Variants in KMT5B observed in about 807,000 individuals in gnomAD.
The protein encoded by KMT5B is histone-lysine N-methyltransferase KMT5B.
KMT5B carries 10 observed loss-of-function variants against 83.2 expected under a neutral mutation model. The ratio of observed to expected loss-of-function variants is 0.12; its 90% confidence interval spans 0.07 to 0.20. The LOEUF (loss-of-function observed/expected upper bound fraction) is 0.20, where lower values mean the gene tolerates loss of function less well. Ranked by LOEUF, KMT5B falls within the 10% of genes least tolerant of loss-of-function variation. The pLI is 1.00. For synonymous variants in KMT5B, 349 were observed against 388.8 expected (o/e 0.90, Z 1.20); for missense variants, 753 against 1,067.2 (o/e 0.71, Z 4.10).
Position 68,185,827 on chromosome 11 carries a change from C to T in KMT5B, c.262G>A (p.Val88Ile). 1.9e-6 allele frequency: 3 copies of T among 1,614,034 alleles called. No homozygotes were observed. The highest frequency in any genetic ancestry group is 2.5e-6 in the Non-Finnish European group (3 of 1,179,974). Residue 88 changes from valine (V) to isoleucine (I), a missense_variant, in exon 3 of 11, where the codon GTT (valine) becomes ATT (isoleucine). Around this residue, in one of 9 missense-constraint regions of KMT5B, gnomAD observed 3 missense variants for 30.2 expected, o/e 0.10. Transcript: ENST00000304363. ...TGAAAACCTAAATAGGGATCAAGAA[C>T]CAAACTGGTTGCTAGGTCATCATTT... The part of the protein sequence containing the change: ...CENDDLATSL[V>I]LDPYLGFQTH...
chr11:68,190,116 C>G lies in KMT5B; in HGVS notation c.-40G>C. 1 of 1,583,762 alleles carries G rather than the reference C, an allele frequency of 6.3e-7. No homozygotes were observed. The highest frequency in any genetic ancestry group is 8.7e-7 in the Non-Finnish European group (1 of 1,155,770). On this transcript the variant is annotated 5_prime_UTR_variant, in exon 2 of 11. Transcript: ENST00000304363. ...TGACCCAGGTGCATTTAGTCACTCT[C>G]TTCAAATAGCTTAGAGAATACTTTC...
chr11:68,205,058 G>A (rs1859918203), intron 1 of KMT5B, among the ~76,000 whole-genome samples: 1 of 151,070 alleles, frequency 6.6e-6, no homozygotes, highest in African/African-American at 2.4e-5. Flanking sequence ...CATGTCACAG[G>A]AAAAAAGATT....
chr11:68,190,954 C>T (rs925865166), intron 1 of KMT5B, among the ~76,000 whole-genome samples: 1 of 152,166 alleles, frequency 6.6e-6, no homozygotes, highest in Non-Finnish European at 1.5e-5. Context: ...GACAGAGCAA[C>T]CCTGTCTTCC....
At chr11:68,159,483 T>G (rs1316304834) in intron 10 of KMT5B, among the ~76,000 whole-genome samples, 1 of 152,224 alleles carries the variant, frequency 6.6e-6, no homozygotes, top group Non-Finnish European at 1.5e-5. Flanking sequence ...AACGAACGCT[T>G]TCTTCTCCTG....
chr11:68,198,120 G>T (rs1434099458), intron 1 of KMT5B, among the ~76,000 whole-genome samples: 1 of 152,084 alleles, frequency 6.6e-6, no homozygotes, highest in Non-Finnish European at 1.5e-5. Flanking sequence ...ACAAATAGGG[G>T]TTGAAAACAT....
intron 1 of KMT5B, among the ~76,000 whole-genome samples, chr11:68,198,406 G>A (rs1858978215): frequency 6.6e-6 from 1 of 150,988 alleles, no homozygotes; most frequent in Non-Finnish European, 1.5e-5. Context: ...GAGAAAAGAA[G>A]AGGAAAGAAG....
At chr11:68,184,965 A>G (rs1259329369) in intron 3 of KMT5B, among the ~76,000 whole-genome samples, 2 of 152,230 alleles carry the variant, frequency 1.3e-5, no homozygotes, top group Non-Finnish European at 2.9e-5. Flanking sequence ...CCACTTTCTT[A>G]CCTGCATACT....
intron 1 of KMT5B, among the ~76,000 whole-genome samples, chr11:68,198,890 C>T (rs1358104835): frequency 2.6e-5 from 4 of 152,164 alleles, no homozygotes; most frequent in Non-Finnish European, 2.9e-5. Flanking sequence ...CCATCACACC[C>T]GGCTGATTTT....
At chr11:68,211,492 T>C (rs1226651164) in intron 1 of KMT5B, among the ~76,000 whole-genome samples, 1 of 152,210 alleles carries the variant, frequency 6.6e-6, no homozygotes, top group Non-Finnish European at 1.5e-5. Context: ...AACATTAAAG[T>C]GGATTTATTT....
In KMT5B at chr11:68,196,371, C is replaced by T. The variant is rs566269607; in HGVS notation, c.-76-6219G>A. ...TATGCTATAAAACTTAAGTGAAAGC[C>T]CTTATGTGACTATATTGTTTAAGTG... On this transcript the variant is annotated intron_variant, in intron 1 of 10. Transcript: ENST00000304363. Among the ~76,000 whole-genome samples, 4 of 150,560 alleles carry T rather than the reference C, an allele frequency of 2.7e-5. No homozygotes were observed. In the South Asian group the frequency reaches 8.5e-4, roughly 32 times the overall value.
In KMT5B at chr11:68,207,790, C is replaced by CAA. The variant is rs1161587651; in HGVS notation, c.-77+5346_-77+5347dup. Among the ~76,000 whole-genome samples the CAA allele has an allele frequency of 2.5e-3, 201 of 79,816 alleles. 1 individual carries two copies. Among genetic ancestry groups the CAA allele is most frequent in the African/African-American group, 7.3e-3 (168 of 22,980 alleles). The allele number at this position is 79,816 out of a possible 152,430, so 52.4% of individuals were successfully genotyped here. ...TGGGCAACAGAGTGAGACTCCATCT[C>CAA]AAAAAAAAAAAAAAAACAAACCAAA... On this transcript the variant is annotated intron_variant, in intron 1 of 10. Transcript: ENST00000304363.
At chr11:68,187,366 T>C (rs944989357) in intron 2 of KMT5B, among the ~76,000 whole-genome samples, 7 of 152,220 alleles carry the variant, frequency 4.6e-5, no homozygotes, top group African/African-American at 1.7e-4. Context: ...CTGCATCCTG[T>C]AAGTTTTAGT....
chr11:68,200,264 A>G (rs1049632323), intron 1 of KMT5B, among the ~76,000 whole-genome samples: 1 of 152,230 alleles, frequency 6.6e-6, no homozygotes, highest in Non-Finnish European at 1.5e-5. Flanking sequence ...GAGGAGGAGA[A>G]GCAGCACAGG....
chr11:68,209,923 G>A (rs1485990713), intron 1 of KMT5B, among the ~76,000 whole-genome samples: 2 of 150,588 alleles, frequency 1.3e-5, no homozygotes, highest in East Asian at 3.9e-4. Flanking sequence ...CTGGAGTGCA[G>A]TGGAGCCATC....
chr11:68,188,389 T>C (rs1857665988), intron 2 of KMT5B, among the ~76,000 whole-genome samples: 1 of 149,930 alleles, frequency 6.7e-6, no homozygotes. Flanking sequence ...TTTTTGCCCA[T>C]GCTGGAGTGC....
rs117016281 is a variant in KMT5B, at chr11:68,178,800, A to C, written c.377+1332T>G. ...CTGGTGCAAATGCACTGAAAACCTT[A>C]GGGAAATTTTTTTTTTTCCTATTAT... On this transcript the variant is annotated intron_variant, in intron 4 of 10. Transcript: ENST00000304363. Among the ~76,000 whole-genome samples, 1,131 of 152,272 alleles carry C rather than the reference A, an allele frequency of 7.4e-3. 8 individuals carry two copies. The highest frequency in any genetic ancestry group is 0.01 in the Middle Eastern group (3 of 294).
At chr11:68,177,365 G>A (rs575683555) in intron 4 of KMT5B, among the ~76,000 whole-genome samples, 1 of 152,310 alleles carries the variant, frequency 6.6e-6, no homozygotes, top group Admixed American at 6.5e-5. Context: ...AAGGAAGAAT[G>A]AGGGGAAGTC....
chr11:68,166,942 T>C, intron 10 of KMT5B, 40 bp downstream of exon 10: 1 of 1,605,816 alleles, frequency 6.2e-7, no homozygotes, highest in East Asian at 2.2e-5. Context: ...TGTGTGAAAA[T>C]ACTTTTAAAA....
intron 2 of KMT5B, among the ~76,000 whole-genome samples, chr11:68,187,546 T>C (rs1343151370): frequency 6.6e-6 from 1 of 152,216 alleles, no homozygotes; most frequent in African/African-American, 2.4e-5. Context: ...TCACAGAACA[T>C]ACCTTTTATG....
Sources: allele counts gnomAD v4.1 joint callset (sites outside exome capture counted in the v4.1 genomes callset), GRCh38; gene constraint gnomAD v4.1.1; regional missense constraint gnomAD v4.1.1; transcripts MANE v1.5; gene names NCBI Gene and HGNC (gene_info 2026-07-23, HGNC 2026-07-21).